BRWD3: variants seen among roughly 807,000 people sequenced by gnomAD.
BRWD3 encodes bromodomain and WD repeat domain containing 3, also known as bromodomain and WD repeat-containing protein 3.
In BRWD3, 10 loss-of-function variants were observed where a neutral mutation model predicts 149.7. The ratio of observed to expected loss-of-function variants is 0.07; its 90% CI spans 0.04 to 0.11. The LOEUF (loss-of-function observed/expected upper bound fraction) is 0.11, where lower values mean the gene tolerates loss of function less well. Among genes scored for constraint, BRWD3 ranks in the 10% least tolerant of loss-of-function variants. The probability of loss-of-function intolerance (pLI) is 1.00; values close to 1 mark genes in which losing one functional copy is unlikely to be tolerated. For synonymous variants in BRWD3, 504 were observed against 456.7 expected, an observed-to-expected ratio of 1.10 and a Z score of -1.32; for missense variants, 940 against 1,373.2, an observed-to-expected ratio of 0.68 and a Z score of 4.99.
intron 6 of BRWD3, among the ~76,000 whole-genome samples, chrX:80,772,384 C>T (rs1050507626): frequency 5.4e-5 from 6 of 111,097 alleles, no homozygotes; most frequent in African/African-American, 9.8e-5. Flanking sequence ...AACCGAACAC[C>T]GCATGTTCTC....
chrX:80,761,314 T>C (rs952984535), intron 6 of BRWD3, among the ~76,000 whole-genome samples: 29 of 112,040 alleles, frequency 2.6e-4, no homozygotes, highest in African/African-American at 8.7e-4. Flanking sequence ...TGCAAATGCA[T>C]AGCTTCTGCA....
intron 7 of BRWD3, among the ~76,000 whole-genome samples, chrX:80,745,072 T>C (rs781678181): frequency 2.7e-5 from 3 of 111,654 alleles, no homozygotes; most frequent in Non-Finnish European, 5.7e-5. Context: ...AAGCATACAG[T>C]ATTATCTGCT....
chrX:80,750,892 A>G (rs374940665), intron 6 of BRWD3, among the ~76,000 whole-genome samples: 1 of 102,547 alleles, frequency 9.8e-6, no homozygotes, highest in Admixed American at 1.1e-4. Flanking sequence ...ACACACACAC[A>G]CGCAAAAATC....
At chrX:80,709,817 G>C in intron 20 of BRWD3, 1 of 471,815 alleles carries the variant, frequency 2.1e-6, no homozygotes, top group Non-Finnish European at 3.6e-6. Context: ...AAAAGTCTGG[G>C]TTGCAAAGTC....
chrX:80,684,278 G>T (rs980410149), intron 36 of BRWD3, 116 bp from the exon 37 acceptor site: 2 of 652,137 alleles, frequency 3.1e-6, no homozygotes, highest in Admixed American at 5.8e-5. Context: ...GCTTTTCAAT[G>T]TGCCAACTAC....
intron 14 of BRWD3, among the ~76,000 whole-genome samples, chrX:80,726,184 CAT>C (rs1298561299): frequency 2.6e-4 from 27 of 105,250 alleles, no homozygotes; most frequent in Admixed American, 8.1e-4. Flanking sequence ...GTCTGTATAA[CAT>C]ATAACACGTT....
intron 4 of BRWD3, among the ~76,000 whole-genome samples, chrX:80,799,039 A>G (rs1397099947): frequency 8.9e-6 from 1 of 112,246 alleles, no homozygotes; most frequent in Non-Finnish European, 1.9e-5. Context: ...AGCAATCATT[A>G]ACACAAAGCT....
intron 8 of BRWD3, among the ~76,000 whole-genome samples, chrX:80,737,601 G>A (rs774551178): frequency 7.7e-4 from 86 of 111,912 alleles, no homozygotes; most frequent in Non-Finnish European, 6.4e-4. Flanking sequence ...TTGGGAGGCC[G>A]AGGCAGGCAG....
At chrX:80,745,222 G>A (rs2073575076) in intron 7 of BRWD3, among the ~76,000 whole-genome samples, 1 of 111,307 alleles carries the variant, frequency 9.0e-6, no homozygotes, top group African/African-American at 3.3e-5. Context: ...AAAACTGGCA[G>A]CAATTACACT....
chrX:80,682,627 A>G lies in BRWD3; in HGVS notation c.4235T>C (p.Ile1412Thr), dbSNP rs746697088. ...KAYTSNKKSRIYSMMLRLSAL... is the reference protein window; with the variant it reads ...KAYTSNKKSRTYSMMLRLSAL... ...AGATAATCGCAGCATCATGCTATAG[A>G]TCTGAGAAGGCAGAAATTATATAGT... The change falls in exon 38 of 41, where the codon ATC becomes ACC. Residue 1412 changes from isoleucine to threonine, a missense_variant and splice_region_variant. Transcript: ENST00000373275. 3.3e-6 allele frequency: 4 copies of G among 1,205,011 alleles called. No individual in the cohort carries two copies. Among genetic ancestry groups the G allele is most frequent in the Admixed American group, 2.2e-5 (1 of 45,683 alleles).
At chrX:80,766,671 G>A (rs543533584) in intron 6 of BRWD3, among the ~76,000 whole-genome samples, 13 of 111,866 alleles carry the variant, frequency 1.2e-4, no homozygotes, top group Middle Eastern at 9.3e-3. Flanking sequence ...GAACAGCTCC[G>A]GTCTGCAGCT....
chrX:80,762,897 G>C (rs1165846676), intron 6 of BRWD3, among the ~76,000 whole-genome samples: 1 of 110,256 alleles, frequency 9.1e-6, no homozygotes, highest in Non-Finnish European at 1.9e-5. Flanking sequence ...TTCCTCTCTG[G>C]GGTCTCAGTA....
At chrX:80,723,993 C>A in intron 15 of BRWD3, 117 bp from the exon 16 acceptor site, 1 of 863,945 alleles carries the variant, frequency 1.2e-6, no homozygotes, top group Non-Finnish European at 1.7e-6. Context: ...CCAAAGTACT[C>A]TCTCTGGCTT....
chrX:80,689,314 T>C (rs1208156519), intron 33 of BRWD3, among the ~76,000 whole-genome samples: 2 of 111,848 alleles, frequency 1.8e-5, no homozygotes, highest in Non-Finnish European at 3.8e-5. Context: ...GACTGATTTA[T>C]CTTTATAAAT....
intron 24 of BRWD3, among the ~76,000 whole-genome samples, 171 bp from the exon 25 acceptor site, chrX:80,700,235 G>C (rs1406960037): frequency 9.4e-6 from 1 of 106,892 alleles, no homozygotes; most frequent in Admixed American, 1.0e-4. Flanking sequence ...TCATGCCTAC[G>C]TAGCCCTGTG....
At position 80,781,983 on chromosome X, in the gene BRWD3, C is replaced by A. The variant is rs1258881956; in HGVS notation, c.430+9871G>T. 2.7e-5 allele frequency among the ~76,000 whole-genome samples: 3 copies of A among 111,879 alleles called. 1 individual carries two copies. Among genetic ancestry groups the A allele is most frequent in the Non-Finnish European group, 5.6e-5 (3 of 53,183 alleles). On this transcript the variant is annotated intron_variant, in intron 6 of 40. Coordinates refer to ENST00000373275, the MANE Select transcript of BRWD3 (RefSeq NM_153252.5). ...TCCCGATCAAAATACCAATGACATT[C>A]TTCACAGAAATAGAAGAAATAATCC...
chrX:80,742,805 T>C (rs1259650198), intron 8 of BRWD3, among the ~76,000 whole-genome samples: 3 of 111,591 alleles, frequency 2.7e-5, no homozygotes, highest in Non-Finnish European at 5.6e-5. Flanking sequence ...GCTGAGACGA[T>C]GGAGTTTTCT....
At chrX:80,687,085 C>CA in intron 34 of BRWD3, 82 bp from the exon 35 acceptor site, 2 of 740,856 alleles carry the variant, frequency 2.7e-6, no homozygotes, top group Non-Finnish European at 3.9e-6. Flanking sequence ...TGTTAATATA[C>CA]CTATCTGTAT....
At chrX:80,726,007 ATGT>A (rs1275824376) in intron 14 of BRWD3, among the ~76,000 whole-genome samples, 5 of 52,738 alleles carry the variant, frequency 9.5e-5, no homozygotes, top group South Asian at 1.3e-3. Flanking sequence ...ACATGTTTAC[ATGT>A]TATATGTCTA....
Sources: allele counts gnomAD v4.1 joint callset (sites outside exome capture counted in the v4.1 genomes callset), GRCh38; gene constraint gnomAD v4.1.1; transcripts MANE v1.5; gene names NCBI Gene and HGNC (gene_info 2026-07-23, HGNC 2026-07-21).